SUPT3H: variants seen among roughly 807,000 people sequenced by gnomAD.
The protein encoded by SUPT3H is transcription initiation protein SPT3 homolog.
Under a neutral mutation model 44.3 loss-of-function variants are expected in SUPT3H, and 44 were observed. That is an observed-to-expected ratio of 0.99 (90% CI 0.78 to 1.28). SUPT3H has a LOEUF of 1.28. Ranked by LOEUF, SUPT3H falls within the 50% of genes most tolerant of loss-of-function variation. SUPT3H has a pLI of 0.00. For missense variants in SUPT3H, 380 were observed against 387.1 expected, an observed-to-expected ratio of 0.98 and a Z score of 0.15; for synonymous variants, 124 against 125.6, an observed-to-expected ratio of 0.99 and a Z score of 0.09.
chr6:44,973,006 GCTC>G (rs199871339), intron 6 of SUPT3H, among the ~76,000 whole-genome samples: 1,546 of 152,210 alleles, frequency 0.01, 35 homozygotes, highest in African/African-American at 0.036. Flanking sequence ...TTAACATTTT[GCTC>G]CTCATTATTT....
intron 3 of SUPT3H, among the ~76,000 whole-genome samples, chr6:45,057,836 G>A (rs1205531482): frequency 2.0e-5 from 3 of 152,106 alleles, no homozygotes; most frequent in South Asian, 4.1e-4. Flanking sequence ...GGGGGAAAAT[G>A]TCACTTCAGT....
intron 2 of SUPT3H, among the ~76,000 whole-genome samples, chr6:45,222,190 G>A (rs116209701): frequency 6.6e-5 from 10 of 151,920 alleles, no homozygotes; most frequent in African/African-American, 2.4e-4. Context: ...AAAATCTTTA[G>A]AATCTAAGGC....
At chr6:44,859,694 T>C (rs1451137362) in intron 10 of SUPT3H, among the ~76,000 whole-genome samples, 1 of 152,224 alleles carries the variant, frequency 6.6e-6, no homozygotes, top group Non-Finnish European at 1.5e-5. Context: ...AAATGAACTT[T>C]AGTGTATGTG....
intron 10 of SUPT3H, among the ~76,000 whole-genome samples, chr6:44,857,320 A>G (rs1464323371): frequency 1.3e-5 from 2 of 152,234 alleles, no homozygotes; most frequent in African/African-American, 2.4e-5. Flanking sequence ...CGGAAGAGAA[A>G]CACATTCTCT....
At chr6:44,932,596 A>C (rs1197912339) in intron 10 of SUPT3H, 57 bp downstream of exon 10, 1 of 1,289,646 alleles carries the variant, frequency 7.8e-7, no homozygotes, top group East Asian at 2.8e-5. Context: ...GACCACTTGA[A>C]AATCAAAATT....
chr6:44,992,912 C>G (rs1178169636), intron 6 of SUPT3H, among the ~76,000 whole-genome samples: 1 of 152,054 alleles, frequency 6.6e-6, no homozygotes, highest in Admixed American at 6.6e-5. Context: ...ACCTATAATC[C>G]CAGCATTTTG....
intron 2 of SUPT3H, among the ~76,000 whole-genome samples, chr6:45,158,201 GAGATAGATAGATAGATAGAT>G (rs3054762): frequency 0.034 from 4,085 of 121,710 alleles, 252 homozygotes; most frequent in African/African-American, 0.13. Flanking sequence ...AGAAACCATA[GAGATAGATAGATAGATAGAT>G]AGATAGATAG....
At chr6:45,235,243 T>C (rs542123261) in intron 2 of SUPT3H, among the ~76,000 whole-genome samples, 5 of 152,286 alleles carry the variant, frequency 3.3e-5, no homozygotes, top group African/African-American at 9.6e-5. Flanking sequence ...TTAAATAAAA[T>C]AGCCCCACCT....
intron 10 of SUPT3H, among the ~76,000 whole-genome samples, chr6:44,889,155 T>C (rs1351080480): frequency 6.6e-6 from 1 of 151,892 alleles, no homozygotes; most frequent in Non-Finnish European, 1.5e-5. Flanking sequence ...TGCTCATGGG[T>C]AGGAAGAATC....
chr6:45,056,471 G>C (rs892541470), intron 3 of SUPT3H, among the ~76,000 whole-genome samples: 1 of 152,054 alleles, frequency 6.6e-6, no homozygotes, highest in Non-Finnish European at 1.5e-5. Context: ...AAAATGTATA[G>C]GTACATCATG....
At chr6:45,056,738 T>C (rs536096959) in intron 3 of SUPT3H, among the ~76,000 whole-genome samples, 10 of 152,204 alleles carry the variant, frequency 6.6e-5, no homozygotes, top group African/African-American at 1.7e-4. Flanking sequence ...AGAGTATACA[T>C]TGGGGAAAGT....
At position 45,106,010 on chromosome 6, in the gene SUPT3H, C is replaced by T. The variant is rs1448423586; in HGVS notation, c.102-4G>A. On this transcript the variant is annotated splice_polypyrimidine_tract_variant and splice_region_variant and intron_variant, in intron 2 of 10. Transcript: ENST00000371459. ...TCTAGCATCACCTAAAGAATACCTG[C>T]AAAATAATTTTAAACACACCAATAT... is the stretch of plus-strand genomic sequence containing the variant. The T allele has an allele frequency of 6.2e-7, 1 of 1,611,662 alleles. No individual in the cohort carries two copies. The highest frequency in any genetic ancestry group is 1.7e-5 in the Admixed American group (1 of 59,946).
intron 2 of SUPT3H, among the ~76,000 whole-genome samples, chr6:45,156,314 A>C (rs190408603): frequency 5.5e-4 from 84 of 152,278 alleles, no homozygotes; most frequent in African/African-American, 1.9e-3. Flanking sequence ...AAATGCTTTC[A>C]GTCTCCTAAG....
chr6:45,045,276 G>A (rs539161366), intron 3 of SUPT3H, among the ~76,000 whole-genome samples: 1 of 152,218 alleles, frequency 6.6e-6, no homozygotes, highest in Non-Finnish European at 1.5e-5. Flanking sequence ...ACCGTTATAA[G>A]AAATGAAACT....
chr6:45,008,947 G>T (rs978485119), intron 5 of SUPT3H, among the ~76,000 whole-genome samples: 2 of 151,954 alleles, frequency 1.3e-5, no homozygotes, highest in Admixed American at 1.3e-4. Flanking sequence ...TACTATGTTG[G>T]CCAGGCTGGT....
At chr6:44,933,530 G>C (rs1021063541) in intron 9 of SUPT3H, among the ~76,000 whole-genome samples, 1 of 152,088 alleles carries the variant, frequency 6.6e-6, no homozygotes, top group Non-Finnish European at 1.5e-5. Flanking sequence ...CTCGGGCCTC[G>C]GTTTCCTCAC....
intron 1 of SUPT3H, among the ~76,000 whole-genome samples, chr6:45,375,817 C>A (rs2150328270): frequency 6.6e-6 from 1 of 150,722 alleles, no homozygotes; most frequent in South Asian, 2.1e-4. Context: ...ACTTTATATA[C>A]ACTTGCTTTA....
intron 6 of SUPT3H, among the ~76,000 whole-genome samples, chr6:44,989,104 G>T (rs965100541): frequency 6.6e-6 from 1 of 152,036 alleles, no homozygotes; most frequent in Admixed American, 6.6e-5. Context: ...AATAACATGA[G>T]ACATTAAAAG....
intron 3 of SUPT3H, among the ~76,000 whole-genome samples, chr6:45,087,408 C>T (rs1315257112): frequency 6.6e-6 from 1 of 151,648 alleles, no homozygotes; most frequent in East Asian, 1.9e-4. Flanking sequence ...AATTTTAGTA[C>T]CTAGAATTTT....
Sources: allele counts gnomAD v4.1 joint callset (sites outside exome capture counted in the v4.1 genomes callset), GRCh38; gene constraint gnomAD v4.1.1; transcripts MANE v1.5; gene names NCBI Gene and HGNC (gene_info 2026-07-23, HGNC 2026-07-21).